Variants in MYO15A observed in about 807,000 individuals in gnomAD.
MYO15A encodes unconventional myosin-XV.
In MYO15A, 308 loss-of-function variants were observed where a neutral mutation model predicts 394.6. That is an observed-to-expected ratio of 0.78 (90% CI 0.71 to 0.86). MYO15A has a LOEUF of 0.86. Ranked by LOEUF, MYO15A falls within the 40% of genes least tolerant of loss-of-function variation. The pLI, the probability that MYO15A is intolerant of heterozygous loss-of-function variation, is 0.00. For missense variants in MYO15A, 4,606 were observed against 4,799.1 expected, an observed-to-expected ratio of 0.96 and a Z score of 1.19; for synonymous variants, 1,957 against 2,003.8, an observed-to-expected ratio of 0.98 and a Z score of 0.62.
intron 7 of MYO15A, among the ~76,000 whole-genome samples, chr17:18,128,895 G>C (rs902673522): frequency 6.6e-6 from 1 of 152,136 alleles, no homozygotes; most frequent in Non-Finnish European, 1.5e-5. Context: ...TGTGTGCCAG[G>C]CACACAGAAT....
chr17:18,122,109 G>A lies in MYO15A; in HGVS notation c.3309G>A (p.Gly1103=), dbSNP rs377301443. 1 of 1,612,792 alleles carries A rather than the reference G, an allele frequency of 6.2e-7. No individual in the cohort carries two copies. The highest frequency in any genetic ancestry group is 8.5e-7 in the Non-Finnish European group (1 of 1,179,994). ...PIRAPEPLPK[G]GERRQAAPGR... ...GGGCCCCAGAGCCCCTGCCCAAGGGGGGTGAACGGCGCCAGGCAGCCCCTG... is the reference window on the plus strand; with the variant it reads ...GGGCCCCAGAGCCCCTGCCCAAGGGAGGTGAACGGCGCCAGGCAGCCCCTG... The change falls in exon 2 of 66, where the codon GGG becomes GGA. Residue 1103 remains glycine, a synonymous_variant. Transcript: ENST00000647165.
At chr17:18,149,457 ACTT>A in intron 34 of MYO15A, 26 bp from the exon 35 acceptor site, 1 of 1,614,158 alleles carries the variant, frequency 6.2e-7, no homozygotes, top group Non-Finnish European at 8.5e-7. Context: ...AGAAAAAAGA[ACTT>A]GACATTTTTG....
intron 62 of MYO15A, among the ~76,000 whole-genome samples, chr17:18,170,745 A>G (rs938048051): frequency 1.3e-5 from 2 of 152,188 alleles, no homozygotes; most frequent in Non-Finnish European, 2.9e-5. Context: ...CCAATCCTGG[A>G]TGAAAATAAT....
intron 61 of MYO15A, among the ~76,000 whole-genome samples, chr17:18,167,366 G>C (rs1460971880): frequency 6.6e-6 from 1 of 152,234 alleles, no homozygotes. Context: ...TCCTACACAA[G>C]GTTGCTGTGG....
At position 18,153,620 on chromosome 17, in the gene MYO15A, C is replaced by T. The variant is rs1390675302; in HGVS notation, c.7967-155C>T. On this transcript the variant is annotated intron_variant, in intron 42 of 65. Transcript: ENST00000647165. The surrounding 1 kb of genome is among the most constrained non-coding windows in gnomAD (Gnocchi z 4.1). ...GGCTGAGGCAGGAGAATCGCTTGAA[C>T]CCAGGAGGCGGAGCTTGCAGTGGGC... The T allele has an allele frequency of 2.8e-6, 2 of 704,764 alleles. No individual in the cohort carries two copies. Among genetic ancestry groups the T allele is most frequent in the Admixed American group, 9.2e-5 (2 of 21,702 alleles). The allele number at this position is 704,764 out of a possible 1,614,324, so 43.7% of individuals were successfully genotyped here.
chr17:18,152,651 T>G (rs1006117757), intron 42 of MYO15A, among the ~76,000 whole-genome samples: 2 of 151,824 alleles, frequency 1.3e-5, no homozygotes, highest in Non-Finnish European at 2.9e-5. Flanking sequence ...TACAATAAGC[T>G]CCAAACTCCT....
At position 18,121,298 on chromosome 17, in the gene MYO15A, T is replaced by A; in HGVS notation, c.2498T>A (p.Leu833Gln). 1 of 1,334,292 alleles carries A rather than the reference T, an allele frequency of 7.5e-7. No homozygotes were observed. The highest frequency in any genetic ancestry group is 9.5e-7 in the Non-Finnish European group (1 of 1,048,070). 82.7% of individuals were successfully genotyped at this position (1,334,292 alleles called of 1,614,324 possible). A position where few individuals can be genotyped will look rare whatever the true frequency, so the allele number is the denominator to read the frequency against. Residue 833 changes from leucine (L) to glutamine (Q), a missense_variant, in exon 2 of 66, where the codon CTG becomes CAG. This residue lies in a region of MYO15A where 1,830 missense variants were observed against 1,689.7 expected (regional missense o/e 1.08). Transcript: ENST00000647165. The surrounding 1 kb of genome is among the most constrained non-coding windows in gnomAD (Gnocchi z 5.3). The stretch of plus-strand genomic sequence containing the variant: ...GCCCCACGCCGAGCCGCTGGGCGCC[T>A]GGGCCCACCCGGCTCGCCGCTGCCG... ...SPAPRRAAGRLGPPGSPLPGS... is the reference protein window; with the variant it reads ...SPAPRRAAGRQGPPGSPLPGS...
rs2046738586 is a variant in MYO15A, at chr17:18,159,296, A to G, written c.9178A>G (p.Ile3060Val). 1 of 1,614,114 alleles carries G rather than the reference A, an allele frequency of 6.2e-7. No homozygotes were observed. ...FTKTPLQESL[I>V]ELSDSSLSKM... ...ACAGACTCCCCTCCAGGAATCCCTC[A>G]TCGAACTCAGCGACAGCAGCCTCAG... The change falls in exon 54 of 66, where the codon ATC (isoleucine) becomes GTC (valine). Residue 3060 changes from isoleucine (I) to valine (V), a missense_variant. By Grantham distance (29) the Ile-to-Val change is conservative (BLOSUM62 3). This residue lies in a region of MYO15A where 2,776 missense variants were observed against 3,109.3 expected (regional missense o/e 0.89). Coordinates refer to ENST00000647165, the MANE Select transcript of MYO15A (RefSeq NM_016239.4).
chr17:18,154,564 C>A (rs1016650444), intron 44 of MYO15A, 116 bp from the exon 45 acceptor site: 1 of 1,031,374 alleles, frequency 9.7e-7, no homozygotes, highest in Non-Finnish European at 1.5e-6. Flanking sequence ...TTACAGATGA[C>A]CCCACTGCTG....
At position 18,139,707 on chromosome 17, in the gene MYO15A, C is replaced by G. The variant is rs576040541; in HGVS notation, c.5211+96C>G. The G allele has an allele frequency of 2.1e-6, 3 of 1,409,814 alleles. No homozygotes were observed. The African/African-American group carries it at 4.2e-5, about 20-fold the overall frequency. 87.3% of individuals were successfully genotyped at this position (1,409,814 alleles called of 1,614,324 possible). ...CAGGCCTGGGACCGTGTTGCCACGT[C>G]CTGGCTCCGCTTAGCTTTGGCCAGA... is the stretch of plus-strand genomic sequence containing the variant. On this transcript the variant is annotated intron_variant, in intron 19 of 65. Coordinates refer to ENST00000647165, the MANE Select transcript of MYO15A (RefSeq NM_016239.4).
At chr17:18,167,425 T>C (rs981998594) in intron 61 of MYO15A, among the ~76,000 whole-genome samples, 165 bp from the exon 62 acceptor site, 1 of 152,246 alleles carries the variant, frequency 6.6e-6, no homozygotes, top group African/African-American at 2.4e-5. Context: ...GTCACCCTTA[T>C]GTGCTTCTGC....
chr17:18,144,196 C>T (rs2046435486), intron 28 of MYO15A, among the ~76,000 whole-genome samples, 196 bp downstream of exon 28: 1 of 152,210 alleles, frequency 6.6e-6, no homozygotes, highest in Non-Finnish European at 1.5e-5. Flanking sequence ...GGGGCTCGGG[C>T]AGGGCTGTTT....
chr17:18,131,877 C>T (rs1268902197), intron 10 of MYO15A, among the ~76,000 whole-genome samples: 3 of 152,166 alleles, frequency 2.0e-5, no homozygotes, highest in East Asian at 1.9e-4. Flanking sequence ...CATTTAAAAA[C>T]GCAGCCCCTC....
rs970481026 is a variant in MYO15A, at chr17:18,173,819, G to A, written c.10389G>A (p.Ser3463=). 29 of 1,613,896 alleles carry A rather than the reference G, an allele frequency of 1.8e-5. No homozygotes were observed. Among genetic ancestry groups the A allele is most frequent in the East Asian group, 4.5e-5 (2 of 44,890 alleles). The change falls in exon 65 of 66, where the codon TCG becomes TCA. Residue 3463 remains serine, a synonymous_variant. Transcript: ENST00000647165. ...MVKFPLKEIQ[S]TRTQRPTANS... ...AGTTCCCCCTGAAGGAGATCCAGTC[G>A]ACGCGGACCCAGCGGCCCACGGCCA...
rs1321265928 is a variant in MYO15A at position 18,150,468 on chromosome 17, G to C, written c.7252G>C (p.Gly2418Arg). The change falls in exon 36 of 66, where the codon GGG (glycine) becomes CGG (arginine). Residue 2418 changes from glycine (G) to arginine (R), a missense_variant. Around this residue, in one of 2 missense-constraint regions of MYO15A, gnomAD observed 2,776 missense variants for 3,109.3 expected, o/e 0.89. Coordinates refer to ENST00000647165, the MANE Select transcript of MYO15A (RefSeq NM_016239.4). This position sits in a 1 kb window ranked among gnomAD's most constrained non-coding sequence, Gnocchi z 4.4. ...KPTAIAYRMKGGGQPGGGSSS... is the reference protein window; with the variant it reads ...KPTAIAYRMKRGGQPGGGSSS... ...AACAGCCATTGCCTACCGCATGAAA[G>C]GGGGAGGCCAGCCCGGTGGAGGCAG... 18 of 1,614,038 alleles carry C rather than the reference G, an allele frequency of 1.1e-5. No homozygotes were observed. The East Asian group carries it at 1.6e-4, about 14-fold the overall frequency.
intron 59 of MYO15A, 87 bp downstream of exon 59, chr17:18,163,408 C>A (rs1384878714): frequency 1.0e-5 from 14 of 1,377,854 alleles, no homozygotes; most frequent in Non-Finnish European, 1.4e-5. Context: ...TGGAGTAAGC[C>A]CCCAATGATG....
At position 18,161,459 on chromosome 17, in the gene MYO15A, A is replaced by G. The variant is rs727503320; in HGVS notation, c.9517+12A>G. ...CCTGCCCTTTCAGGGTGAGAGGTCAATGAGTGGGAACCCAGGGCTGCATGC... is the reference window on the plus strand; with the variant it reads ...CCTGCCCTTTCAGGGTGAGAGGTCAGTGAGTGGGAACCCAGGGCTGCATGC... On this transcript the variant is annotated intron_variant, in intron 57 of 65. Transcript: ENST00000647165. The G allele has an allele frequency of 1.9e-5, 31 of 1,613,006 alleles. No individual in the cohort carries two copies. Among genetic ancestry groups the G allele is most frequent in the African/African-American group, 4.0e-5 (3 of 74,932 alleles).
rs2046256041 is a variant in MYO15A at position 18,135,795 on chromosome 17, C to A, written c.4567C>A (p.Leu1523Met). Residue 1523 changes from leucine (L) to methionine (M), a missense_variant, in exon 13 of 66, where the codon CTG becomes ATG. Leu to Met is a conservative substitution (Grantham distance 15). Transcript: ENST00000647165. ...GCTGCTGCAGATCTCCCCTGAGGGC[C>A]TGCAGAAGGCCATCACCTTCAAAGT... Reference protein sequence around the residue: ...AELLQISPEGLQKAITFKVTE... With the variant: ...AELLQISPEGMQKAITFKVTE... The A allele has an allele frequency of 6.2e-7, 1 of 1,614,096 alleles. No individual in the cohort carries two copies. The highest frequency in any genetic ancestry group is 2.2e-5 in the East Asian group (1 of 44,878).
At chr17:18,141,235 G>T in intron 22 of MYO15A, 92 bp downstream of exon 22, 1 of 1,575,956 alleles carries the variant, frequency 6.3e-7, no homozygotes, top group Non-Finnish European at 8.6e-7. Flanking sequence ...TACAGGGCTT[G>T]CCATGCACAG....
Sources: gnomAD v4.1 joint callset for allele counts (sites outside exome capture counted in the v4.1 genomes callset) on GRCh38, gnomAD v4.1.1 for gene constraint, gnomAD v4.1.1 regional missense constraint, Gnocchi (gnomAD v3.1) non-coding constraint, MANE v1.5 for transcripts, NCBI Gene and HGNC (gene_info 2026-07-23, HGNC 2026-07-21) for gene names.